Variants in ZFPM1 observed in about 807,000 individuals in gnomAD.
ZFPM1 encodes zinc finger protein, FOG family member 1.
A neutral mutation model predicts 46.3 loss-of-function variants in ZFPM1; 28 were observed. The observed-to-expected ratio is 0.60, with a 90% CI of 0.45 to 0.83. The LOEUF (loss-of-function observed/expected upper bound fraction) is 0.83. Among genes scored for constraint, ZFPM1 ranks in the 40% least tolerant of loss-of-function variants. The pLI is 0.00. For missense variants in ZFPM1, 1,878 were observed against 1,432.4 expected (o/e 1.31, Z -5.02); for synonymous variants, 957 against 675.9 (o/e 1.42, Z -6.45).
chr16:88,490,826 TCC>T, intron 3 of ZFPM1, among the ~76,000 whole-genome samples: 1 of 151,920 alleles, frequency 6.6e-6, no homozygotes. Context: ...CCCCCTGCTG[TCC>T]CCCAGGAAGG....
rs762096566 is a variant in ZFPM1, at chr16:88,533,477, C to T, written c.1519C>T (p.Pro507Ser). ...PARVKAELSS[P>S]TPGSSPVPGE... ...CAGGGTCAAGGCCGAGCTGTCCAGC[C>T]CCACGCCGGGCTCCAGCCCGGTGCC... Residue 507 changes from proline (P) to serine (S), a missense_variant, in exon 10 of 10, where the codon CCC becomes TCC. By Grantham distance (74) the Pro-to-Ser change is moderately conservative (BLOSUM62 -1). Coordinates refer to ENST00000319555, the MANE Select transcript of ZFPM1 (RefSeq NM_153813.3). 3 of 1,407,364 alleles carry T rather than the reference C, an allele frequency of 2.1e-6. No homozygotes were observed. Among genetic ancestry groups the T allele is most frequent in the Non-Finnish European group, 2.8e-6 (3 of 1,087,968 alleles). The allele number at this position is 1,407,364 out of a possible 1,614,324, so 87.2% of individuals were successfully genotyped here. A position where few individuals can be genotyped will look rare whatever the true frequency, so the allele number is the denominator to read the frequency against.
intron 3 of ZFPM1, among the ~76,000 whole-genome samples, chr16:88,493,701 A>G (rs945985937): frequency 3.9e-5 from 6 of 151,920 alleles, no homozygotes; most frequent in African/African-American, 1.5e-4. Flanking sequence ...CCTGGCATGC[A>G]CATGGCCATT....
At chr16:88,481,802 G>A (rs990614630) in intron 1 of ZFPM1, among the ~76,000 whole-genome samples, 2 of 152,188 alleles carry the variant, frequency 1.3e-5, no homozygotes, top group Admixed American at 6.5e-5. Context: ...GGGTGGGGGC[G>A]GTTAAGGGTG....
chr16:88,534,020 TG>T lies in ZFPM1; in HGVS notation c.2063del (p.Cys688SerfsTer110). ...CCCCAGCCGCACGCTGTGCGAGGCC[TG>T]CAACATCCGCTTCAGCCGCCACGAG... ...DDPSRTLCEACNIRFSRHETY... is the reference protein window; with the variant it reads ...DDPSRTLCEAXNIRFSRHETY... On this transcript the variant is annotated frameshift_variant, in exon 10 of 10. Transcript: ENST00000319555. LOFTEE classifies it low-confidence loss of function (END_TRUNC). 7.3e-7 allele frequency: 1 copy of T among 1,367,948 alleles called. No homozygotes were observed. Among genetic ancestry groups the T allele is most frequent in the Admixed American group, 2.2e-5 (1 of 46,448 alleles). The allele number at this position is 1,367,948 out of a possible 1,614,324, so 84.7% of individuals were successfully genotyped here. A position where few individuals can be genotyped will look rare whatever the true frequency, so the allele number is the denominator to read the frequency against.
chr16:88,505,886 C>T (rs970807663), intron 3 of ZFPM1, among the ~76,000 whole-genome samples: 29 of 152,222 alleles, frequency 1.9e-4, no homozygotes, highest in Middle Eastern at 3.4e-3. Context: ...CCCCATGGGG[C>T]TTTCCAACCA....
At chr16:88,458,460 G>A (rs1432140096) in intron 1 of ZFPM1, among the ~76,000 whole-genome samples, 1 of 152,250 alleles carries the variant, frequency 6.6e-6, no homozygotes, top group African/African-American at 2.4e-5. Flanking sequence ...CACCACTGGG[G>A]ATTTAAATGG....
intron 1 of ZFPM1, among the ~76,000 whole-genome samples, chr16:88,467,112 C>T (rs1353868329): frequency 2.6e-5 from 4 of 152,134 alleles, no homozygotes; most frequent in African/African-American, 4.8e-5. Flanking sequence ...TACAGTGTGC[C>T]GATGACCTCA....
chr16:88,507,539 C>T (rs1181429327), intron 3 of ZFPM1, among the ~76,000 whole-genome samples: 1 of 152,224 alleles, frequency 6.6e-6, no homozygotes, highest in African/African-American at 2.4e-5. Context: ...TCTCCATGCC[C>T]TGGCAGGTTG....
intron 3 of ZFPM1, among the ~76,000 whole-genome samples, chr16:88,511,954 C>G (rs913110696): frequency 6.6e-6 from 1 of 152,222 alleles, no homozygotes; most frequent in Non-Finnish European, 1.5e-5. Flanking sequence ...CCCCTCCGAT[C>G]CCTGGACTCC....
At position 88,532,833 on chromosome 16, in the gene ZFPM1, C is replaced by A; in HGVS notation, c.1087C>A (p.Leu363Ile). The A allele has an allele frequency of 6.2e-7, 1 of 1,613,432 alleles. No homozygotes were observed. Among genetic ancestry groups the A allele is most frequent in the South Asian group, 1.1e-5 (1 of 91,090 alleles). The change falls in exon 9 of 10, where the codon CTC becomes ATC. Residue 363 changes from leucine (L) to isoleucine (I), a missense_variant. Coordinates refer to ENST00000319555, the MANE Select transcript of ZFPM1 (RefSeq NM_153813.3). ...CGFISTTRDI[L>I]YSHLVTNHMV... is the part of the protein sequence containing the mutation. Reference sequence around the variant, plus strand: ...CTTCATCTCCACCACAAGGGACATCCTCTACAGCCACTTGGTCACCAACCA... The same window carrying A: ...CTTCATCTCCACCACAAGGGACATCATCTACAGCCACTTGGTCACCAACCA...
chr16:88,531,100 A>C (rs1407704696), intron 6 of ZFPM1: 1 of 152,246 alleles, frequency 6.6e-6, no homozygotes, highest in Non-Finnish European at 1.5e-5. Context: ...CAGATATCAC[A>C]TCAGTCTCTA....
chr16:88,532,955 C>G lies in ZFPM1; in HGVS notation c.1189+20C>G. ...CCCCAGGTGAGCAGCCCTGTGGGGGCCACCCCTGCCCCTTAGGCCCCCTGA... is the reference window on the plus strand; with the variant it reads ...CCCCAGGTGAGCAGCCCTGTGGGGGGCACCCCTGCCCCTTAGGCCCCCTGA... On this transcript the variant is annotated intron_variant, in intron 9 of 9. Transcript: ENST00000319555. 1.2e-6 allele frequency: 2 copies of G among 1,612,194 alleles called. No homozygotes were observed. Among genetic ancestry groups the G allele is most frequent in the Non-Finnish European group, 1.7e-6 (2 of 1,179,718 alleles).
At chr16:88,489,544 G>C (rs1909438481) in intron 3 of ZFPM1, among the ~76,000 whole-genome samples, 2 of 152,232 alleles carry the variant, frequency 1.3e-5, no homozygotes, top group South Asian at 4.1e-4. Flanking sequence ...CCGGGATTCA[G>C]AGCTGTGCTG....
chr16:88,532,986 G>A, intron 9 of ZFPM1, 51 bp downstream of exon 9: 2 of 1,606,868 alleles, frequency 1.2e-6, no homozygotes, highest in Non-Finnish European at 1.7e-6. Flanking sequence ...CCTGAGCAGT[G>A]GGAAGGGAGT....
chr16:88,492,716 G>A (rs1403261431), intron 3 of ZFPM1, among the ~76,000 whole-genome samples: 1 of 152,184 alleles, frequency 6.6e-6, no homozygotes, highest in African/African-American at 2.4e-5. Flanking sequence ...CCCGGCCTTG[G>A]TGCCTCTCCC....
At chr16:88,528,301 G>A in intron 6 of ZFPM1, 63 bp downstream of exon 6, 1 of 1,483,724 alleles carries the variant, frequency 6.7e-7, no homozygotes, top group South Asian at 1.3e-5. Context: ...GGCAGGGCAG[G>A]AGAGGGTGGG....
At chr16:88,516,749 C>G (rs1452118366) in intron 4 of ZFPM1, 4 of 395,074 alleles carry the variant, frequency 1.0e-5, no homozygotes, top group Non-Finnish European at 1.8e-5. Context: ...GAGGACGTTG[C>G]CTCCTGCCCG....
rs1202056905 is a variant in ZFPM1 at position 88,532,695 on chromosome 16, C to A, written c.1028C>A (p.Thr343Lys). The change falls in exon 8 of 10, where the codon ACG (threonine) becomes AAG (lysine). Residue 343 changes from threonine to lysine, a missense_variant. Thr to Lys is a moderately conservative substitution (Grantham distance 78). Coordinates refer to ENST00000319555, the MANE Select transcript of ZFPM1 (RefSeq NM_153813.3). The stretch of plus-strand genomic sequence containing the variant: ...TGCGAGCGGCACCTCAAGGTGCACA[C>A]GGACACGCTGAGCGGTAGGCACCGC... ...ANCERHLKVH[T>K]DTLSGVCHSC... 1.2e-6 allele frequency: 2 copies of A among 1,610,420 alleles called. No homozygotes were observed. Among genetic ancestry groups the A allele is most frequent in the African/African-American group, 1.3e-5 (1 of 74,868 alleles).
Position 88,534,002 on chromosome 16 carries a change from CG to C in ZFPM1, c.2045del (p.Arg682ProfsTer116). ...GGACGACGCGGAGGACGACCCCAGC[CG>C]CACGCTGTGCGAGGCCTGCAACATC... ...SVDDAEDDPS[R>X]TLCEACNIRF... On this transcript the variant is annotated frameshift_variant, in exon 10 of 10. Transcript: ENST00000319555. LOFTEE classifies it low-confidence loss of function (END_TRUNC). 1 of 1,376,912 alleles carries C rather than the reference CG, an allele frequency of 7.3e-7. No individual in the cohort carries two copies. The highest frequency in any genetic ancestry group is 9.5e-7 in the Non-Finnish European group (1 of 1,049,698). The allele number at this position is 1,376,912 out of a possible 1,614,324, so 85.3% of individuals were successfully genotyped here. A position where few individuals can be genotyped will look rare whatever the true frequency, so the allele number is the denominator to read the frequency against.
Sources: allele counts gnomAD v4.1 joint callset (sites outside exome capture counted in the v4.1 genomes callset), GRCh38; gene constraint gnomAD v4.1.1; transcripts MANE v1.5; gene names NCBI Gene and HGNC (gene_info 2026-07-23, HGNC 2026-07-21).